TAF4: variants seen among roughly 807,000 people sequenced by gnomAD.
The protein encoded by TAF4 is TATA-box binding protein associated factor 4, also known as transcription initiation factor TFIID subunit 4.
Under a neutral mutation model 90.3 loss-of-function variants are expected in TAF4, and 9 were observed. That is an observed-to-expected ratio of 0.10 (90% CI 0.06 to 0.17). TAF4 has a LOEUF of 0.17. Ranked by LOEUF, TAF4 falls within the 10% of genes least tolerant of loss-of-function variation. TAF4 has a pLI of 1.00. For synonymous variants in TAF4, 818 were observed against 638.9 expected (o/e 1.28, Z -4.23); for missense variants, 1,351 against 1,370.7 (o/e 0.99, Z 0.23).
At chr20:62,012,719 A>G (rs538332922) in intron 3 of TAF4, 96 bp downstream of exon 3, 1 of 1,331,862 alleles carries the variant, frequency 7.5e-7, no homozygotes, top group East Asian at 2.8e-5. Flanking sequence ...TCCAGTTTAA[A>G]AAAAAAAAAA....
intron 14 of TAF4, among the ~76,000 whole-genome samples, chr20:61,995,041 A>T (rs188104485): frequency 2.0e-5 from 3 of 152,320 alleles, no homozygotes; most frequent in African/African-American, 4.8e-5. Context: ...GTTTCCCCAG[A>T]TCCTTACTGA....
intron 14 of TAF4, chr20:61,978,910 T>C (rs555510699): frequency 6.5e-6 from 1 of 153,370 alleles, no homozygotes; most frequent in African/African-American, 2.4e-5. Context: ...TCTTAAATCT[T>C]AAAAGAAAAA....
At chr20:62,062,221 A>G (rs1255384183) in intron 1 of TAF4, among the ~76,000 whole-genome samples, 1 of 152,204 alleles carries the variant, frequency 6.6e-6, no homozygotes, top group African/African-American at 2.4e-5. Flanking sequence ...TGTTCTAAAC[A>G]TTTTTATTAC....
intron 1 of TAF4, among the ~76,000 whole-genome samples, chr20:62,059,952 C>T (rs2056080352): frequency 6.6e-6 from 1 of 152,268 alleles, no homozygotes; most frequent in Admixed American, 6.5e-5. Context: ...AGAAAACTCA[C>T]ATTATACAGT....
intron 1 of TAF4, among the ~76,000 whole-genome samples, chr20:62,029,151 G>A (rs998046453): frequency 5.3e-5 from 8 of 150,122 alleles, no homozygotes; most frequent in African/African-American, 1.5e-4. Context: ...ACCCAAGATC[G>A]CGCCACTGCA....
At chr20:62,016,049 C>T (rs568334188) in intron 1 of TAF4, among the ~76,000 whole-genome samples, 1 of 152,304 alleles carries the variant, frequency 6.6e-6, no homozygotes, top group Admixed American at 6.5e-5. Flanking sequence ...AACGAAGTAA[C>T]AGGAAAGGCC....
At chr20:62,053,601 G>C (rs1242840832) in intron 1 of TAF4, among the ~76,000 whole-genome samples, 1 of 152,190 alleles carries the variant, frequency 6.6e-6, no homozygotes, top group African/African-American at 2.4e-5. Flanking sequence ...CACTCCCCAA[G>C]CAACTCCGCC....
chr20:62,040,662 A>G (rs935268815), intron 1 of TAF4, among the ~76,000 whole-genome samples: 1 of 152,246 alleles, frequency 6.6e-6, no homozygotes, highest in African/African-American at 2.4e-5. Context: ...GCCCACTAGA[A>G]TAGGCAAAAC....
chr20:62,034,328 TTTTG>T (rs1235112954), intron 1 of TAF4, among the ~76,000 whole-genome samples: 2 of 152,128 alleles, frequency 1.3e-5, no homozygotes, highest in African/African-American at 2.4e-5. Context: ...AAACGCAATT[TTTTG>T]TTTATTTTTA....
intron 14 of TAF4, among the ~76,000 whole-genome samples, chr20:61,983,884 G>C (rs1305048874): frequency 1.3e-5 from 2 of 152,110 alleles, no homozygotes; most frequent in Non-Finnish European, 2.9e-5. Context: ...ATTGTAGGCT[G>C]GGGGACAAGA....
intron 1 of TAF4, among the ~76,000 whole-genome samples, chr20:62,021,011 T>C (rs970833799): frequency 6.6e-6 from 1 of 151,976 alleles, no homozygotes; most frequent in Non-Finnish European, 1.5e-5. Context: ...CTTCCCCGTG[T>C]TTCCAGGGGA....
At chr20:62,013,906 GGTGTGTGTGTGTGTGTGT>G (rs56801841) in intron 2 of TAF4, among the ~76,000 whole-genome samples, 8 of 107,348 alleles carry the variant, frequency 7.5e-5, no homozygotes, top group African/African-American at 1.1e-4. Context: ...GGCTGACGCG[GGTGTGTGTGTGTGTGTGT>G]GTGTGTGTGT....
At chr20:62,002,889 T>A (rs527298561) in intron 9 of TAF4, among the ~76,000 whole-genome samples, 18 of 152,354 alleles carry the variant, frequency 1.2e-4, no homozygotes, top group African/African-American at 4.3e-4. Context: ...GATGTTATAC[T>A]AAAAAATGAA....
At chr20:62,048,561 C>T (rs1453212372) in intron 1 of TAF4, among the ~76,000 whole-genome samples, 1 of 152,084 alleles carries the variant, frequency 6.6e-6, no homozygotes, top group Non-Finnish European at 1.5e-5. Flanking sequence ...TCGTGTGGGG[C>T]CACACCTCTG....
chr20:61,975,961 A>G lies in TAF4; in HGVS notation c.*207T>C, dbSNP rs2055491661. 3.6e-6 allele frequency: 2 copies of G among 561,830 alleles called. No individual in the cohort carries two copies. The highest frequency in any genetic ancestry group is 3.1e-6 in the Non-Finnish European group (1 of 321,762). 34.8% of individuals were successfully genotyped at this position (561,830 alleles called of 1,614,324 possible). A position where few individuals can be genotyped will look rare whatever the true frequency, so the allele number is the denominator to read the frequency against. On this transcript the variant is annotated 3_prime_UTR_variant, in exon 15 of 15. Transcript: ENST00000252996. ...CTCAATCAAGATGAGTTAAGATTTAATTGTCCTTTAAGAGTATCCACAGGC... is the reference window on the plus strand; with the variant it reads ...CTCAATCAAGATGAGTTAAGATTTAGTTGTCCTTTAAGAGTATCCACAGGC...
At chr20:62,015,001 G>A (rs761390710) in intron 1 of TAF4, among the ~76,000 whole-genome samples, 3 of 152,106 alleles carry the variant, frequency 2.0e-5, no homozygotes, top group East Asian at 1.9e-4. Flanking sequence ...GCCACACCAC[G>A]TGCCCCCATG....
chr20:62,003,236 C>A lies in TAF4; in HGVS notation c.2410G>T (p.Ala804Ser), dbSNP rs1285540014. ...VKPAVLPGTK[A>S]LSAVSAQAAA... ...GCTTGTGCCGAGACAGCAGAAAGGG[C>A]TTTGGTTCCAGGTAACACGGCGGGT... The change falls in exon 9 of 15, where the codon GCC becomes TCC. Residue 804 changes from alanine (A) to serine (S), a missense_variant. By Grantham distance (99) the Ala-to-Ser change is moderately conservative. Around this residue, in one of 9 missense-constraint regions of TAF4, gnomAD observed 202 missense variants for 229.7 expected, o/e 0.88. Coordinates refer to ENST00000252996, the MANE Select transcript of TAF4 (RefSeq NM_003185.4). The A allele has an allele frequency of 2.5e-6, 4 of 1,614,076 alleles. No individual in the cohort carries two copies. In the African/African-American group the frequency reaches 5.3e-5, roughly 22 times the overall value.
chr20:62,050,122 G>A lies in TAF4; in HGVS notation c.1360+14329C>T, dbSNP rs149246138. Among the ~76,000 whole-genome samples, 1,340 of 152,260 alleles carry A rather than the reference G, an allele frequency of 8.8e-3. 23 individuals are homozygous for A. The highest frequency in any genetic ancestry group is 0.03 in the African/African-American group (1,266 of 41,528). On this transcript the variant is annotated intron_variant, in intron 1 of 14. Transcript: ENST00000252996. ...TTTCTACAACCTTCCATGAAGATGA[G>A]GCCACAACAGTCAAAACAGGTAACA...
chr20:62,060,205 C>T (rs1027388283), intron 1 of TAF4, among the ~76,000 whole-genome samples: 8 of 152,198 alleles, frequency 5.3e-5, no homozygotes, highest in Non-Finnish European at 8.8e-5. Context: ...ACTTCCCAGG[C>T]GCCCGGGGCC....
Sources: allele counts gnomAD v4.1 joint callset (sites outside exome capture counted in the v4.1 genomes callset), GRCh38; gene constraint gnomAD v4.1.1; regional missense constraint gnomAD v4.1.1; transcripts MANE v1.5; gene names NCBI Gene and HGNC (gene_info 2026-07-23, HGNC 2026-07-21).